Variants in VTI1A observed in about 807,000 individuals in gnomAD.
The protein encoded by VTI1A is vesicle transport through interaction with t-SNAREs homolog 1A.
VTI1A carries 22 observed loss-of-function variants against 34.9 expected under a neutral mutation model. That is an observed-to-expected ratio of 0.63 (90% CI 0.45 to 0.90). The LOEUF is 0.90. VTI1A is among the 40% of genes least tolerant of loss of function. VTI1A has a pLI of 0.00. For missense variants in VTI1A, 268 were observed against 275.6 expected (o/e 0.97, Z 0.20); for synonymous variants, 87 against 97.3 (o/e 0.89, Z 0.62).
chr10:112,610,091 T>C (rs946890949), intron 5 of VTI1A, among the ~76,000 whole-genome samples: 1 of 150,854 alleles, frequency 6.6e-6, no homozygotes, highest in African/African-American at 2.4e-5. Flanking sequence ...GAAAAAAAAA[T>C]GAGGCGCATT....
intron 5 of VTI1A, among the ~76,000 whole-genome samples, chr10:112,580,936 G>C (rs992542211): frequency 6.6e-6 from 1 of 152,160 alleles, no homozygotes; most frequent in African/African-American, 2.4e-5. Flanking sequence ...AGTGTATATA[G>C]CCTGATAGTC....
chr10:112,452,566 C>CA (rs57884472), intron 1 of VTI1A, among the ~76,000 whole-genome samples: 67,311 of 134,398 alleles, frequency 0.5, 17,173 homozygotes, highest in Middle Eastern at 0.59. Flanking sequence ...GACTCTGTCT[C>CA]AAAAAAAAAA....
chr10:112,789,299 A>G (rs1042759638), intron 7 of VTI1A, among the ~76,000 whole-genome samples: 9 of 152,188 alleles, frequency 5.9e-5, no homozygotes, highest in Admixed American at 5.2e-4. Flanking sequence ...AGTGGATAGT[A>G]TTGCTAGATA....
intron 3 of VTI1A, among the ~76,000 whole-genome samples, chr10:112,518,669 A>G (rs1849896220): frequency 7.9e-6 from 1 of 126,018 alleles, no homozygotes; most frequent in Admixed American, 7.6e-5. Flanking sequence ...ATATATATAT[A>G]CACACACACA....
At chr10:112,830,835 A>ATTT in the VTI1A span, among the ~76,000 whole-genome samples, 1 of 45,756 alleles carries the variant, frequency 2.2e-5, no homozygotes, top group African/African-American at 8.7e-5. Context: ...ATATATATAT[A>ATTT]TATATATATA....
At chr10:112,679,167 C>T (rs1848130415) in intron 7 of VTI1A, among the ~76,000 whole-genome samples, 3 of 152,104 alleles carry the variant, frequency 2.0e-5, no homozygotes, top group Non-Finnish European at 2.9e-5. Flanking sequence ...ATTTATACCA[C>T]ACAAGCAGTT....
At chr10:112,546,871 T>C (rs1426951994) in intron 5 of VTI1A, among the ~76,000 whole-genome samples, 1 of 152,246 alleles carries the variant, frequency 6.6e-6, no homozygotes, top group Non-Finnish European at 1.5e-5. Flanking sequence ...CATTTCTGTT[T>C]GAGGGTTTCC....
intron 7 of VTI1A, among the ~76,000 whole-genome samples, chr10:112,706,524 T>C (rs1166973404): frequency 6.6e-6 from 1 of 152,158 alleles, no homozygotes; most frequent in African/African-American, 2.4e-5. Flanking sequence ...TATTTTGCCA[T>C]ACAGACTAGA....
At chr10:112,673,253 T>A (rs1380665301) in intron 7 of VTI1A, among the ~76,000 whole-genome samples, 1 of 150,976 alleles carries the variant, frequency 6.6e-6, no homozygotes, top group African/African-American at 2.4e-5. Flanking sequence ...AGGCGAAAGG[T>A]TGCAGCGAGC....
intron 5 of VTI1A, among the ~76,000 whole-genome samples, chr10:112,604,210 G>A (rs1461611378): frequency 6.6e-6 from 1 of 152,104 alleles, no homozygotes; most frequent in Admixed American, 6.5e-5. Context: ...AACTAGCTGT[G>A]TTAGTTTGGG....
rs1301178099 is a variant in VTI1A at position 112,541,145 on chromosome 10, G to A, written c.427+2815G>A. Among the ~76,000 whole-genome samples the A allele has an allele frequency of 2.0e-5, 3 of 152,028 alleles. No homozygotes were observed. In the East Asian group the frequency reaches 5.8e-4, roughly 29 times the overall value. ...GAAGTTATTTTTTTTTCTTTACTTA[G>A]AAGAATAACAAAATTGGCATCCCTA... On this transcript the variant is annotated intron_variant, in intron 5 of 7. Coordinates refer to ENST00000393077, the MANE Select transcript of VTI1A (RefSeq NM_145206.4).
chr10:112,597,831 G>T (rs1589955474), intron 5 of VTI1A, among the ~76,000 whole-genome samples: 1 of 150,904 alleles, frequency 6.6e-6, no homozygotes, highest in Non-Finnish European at 1.5e-5. Flanking sequence ...CCGAGTAGCC[G>T]GGACCACAGG....
rs372569235 is a variant in VTI1A, at chr10:112,507,344, A to G, written c.265-19743A>G. On this transcript the variant is annotated intron_variant, in intron 3 of 7. Transcript: ENST00000393077. ...GGCAAGTTCCGTATATTCTCCAGTC[A>G]TGCTCCTGGCTTTCTGAACCTTGAG... 7.1e-4 allele frequency among the ~76,000 whole-genome samples: 108 copies of G among 152,242 alleles called. 1 individual carries two copies. In the South Asian group the frequency reaches 0.011, roughly 15 times the overall value.
At chr10:112,736,111 G>GTATGTATATATATATA (rs1554953491) in intron 7 of VTI1A, among the ~76,000 whole-genome samples, 1 of 116,224 alleles carries the variant, frequency 8.6e-6, no homozygotes, top group African/African-American at 3.7e-5. Flanking sequence ...ATGTGTGTGT[G>GTATGTATATATATATA]TATATATATA....
chr10:112,831,124 G>A, the VTI1A span: 1 of 151,752 alleles, frequency 6.6e-6, no homozygotes, highest in African/African-American at 2.4e-5. Flanking sequence ...CCATTGTTTG[G>A]TGCCGGAAGA....
chr10:112,642,664 T>G (rs756722545), intron 5 of VTI1A, among the ~76,000 whole-genome samples: 1 of 152,038 alleles, frequency 6.6e-6, no homozygotes, highest in Non-Finnish European at 1.5e-5. Context: ...TGTGAGGCAT[T>G]GTATGGAGGG....
At chr10:112,758,894 G>T (rs142348374) in intron 7 of VTI1A, among the ~76,000 whole-genome samples, 1 of 152,134 alleles carries the variant, frequency 6.6e-6, no homozygotes, top group South Asian at 2.1e-4. Flanking sequence ...GAAACCAGCC[G>T]GGGCAACATG....
chr10:112,783,749 G>A (rs748111360), intron 7 of VTI1A, among the ~76,000 whole-genome samples: 10 of 152,180 alleles, frequency 6.6e-5, no homozygotes, highest in African/African-American at 1.2e-4. Context: ...CATAATTACC[G>A]TGGCCACCTT....
chr10:112,743,326 T>A (rs1590141179), intron 7 of VTI1A, among the ~76,000 whole-genome samples: 1 of 152,244 alleles, frequency 6.6e-6, no homozygotes, highest in Non-Finnish European at 1.5e-5. Context: ...CAATGTTTAC[T>A]ACTTTCCAGA....
Sources: gnomAD v4.1 joint callset for allele counts (sites outside exome capture counted in the v4.1 genomes callset) on GRCh38, gnomAD v4.1.1 for gene constraint, MANE v1.5 for transcripts, NCBI Gene and HGNC (gene_info 2026-07-23, HGNC 2026-07-21) for gene names.